Variants in NRCAM observed in about 807,000 individuals in gnomAD.
NRCAM encodes the protein neuronal cell adhesion molecule, also known as NgCAM-related cell adhesion molecule.
NRCAM carries 83 observed loss-of-function variants against 156.5 expected under a neutral mutation model. The ratio of observed to expected loss-of-function variants is 0.53; its 90% CI spans 0.44 to 0.64. The LOEUF is 0.64. Ranked by LOEUF, NRCAM falls within the 30% of genes least tolerant of loss-of-function variation. The pLI is 0.00. For missense variants in NRCAM, 1,417 were observed against 1,597.3 expected (o/e 0.89, Z 1.92); for synonymous variants, 538 against 563.9 (o/e 0.95, Z 0.65).
chr7:108,245,022 GCCAGGCAC>G (rs1248523819), intron 3 of NRCAM, among the ~76,000 whole-genome samples: 5 of 152,136 alleles, frequency 3.3e-5, no homozygotes, highest in Non-Finnish European at 7.3e-5. Context: ...TTTTCTATGT[GCCAGGCAC>G]AGCGATGAGT....
chr7:108,269,244 G>C (rs1293465436), intron 3 of NRCAM, among the ~76,000 whole-genome samples: 2 of 151,820 alleles, frequency 1.3e-5, no homozygotes, highest in African/African-American at 4.8e-5. Context: ...TTTAAATAAA[G>C]ACAGGATCAG....
chr7:108,276,825 T>C (rs905843986), intron 3 of NRCAM, among the ~76,000 whole-genome samples: 5 of 152,256 alleles, frequency 3.3e-5, no homozygotes, highest in African/African-American at 9.6e-5. Flanking sequence ...AGTTTCTTCA[T>C]AGCGTTGATG....
intron 3 of NRCAM, among the ~76,000 whole-genome samples, chr7:108,257,663 GA>G: frequency 6.6e-6 from 1 of 152,220 alleles, no homozygotes; most frequent in South Asian, 2.1e-4. Flanking sequence ...TCATTTTCAT[GA>G]AAAAATTATT....
At chr7:108,187,547 C>G (rs1378958941) in intron 20 of NRCAM, among the ~76,000 whole-genome samples, 2 of 152,168 alleles carry the variant, frequency 1.3e-5, no homozygotes, top group East Asian at 3.9e-4. Flanking sequence ...ACATGTCTTT[C>G]TGCTGATTTG....
intron 5 of NRCAM, among the ~76,000 whole-genome samples, chr7:108,236,997 A>G: frequency 6.6e-6 from 1 of 152,194 alleles, no homozygotes; most frequent in East Asian, 1.9e-4. Context: ...CTGTCTGGAT[A>G]TACCTCCTTA....
chr7:108,329,307 G>C (rs2099102948), intron 2 of NRCAM, among the ~76,000 whole-genome samples: 2 of 152,078 alleles, frequency 1.3e-5, no homozygotes, highest in African/African-American at 4.8e-5. Flanking sequence ...AATACATTAG[G>C]ATTATATTTC....
chr7:108,356,627 C>T (rs2300028), intron 2 of NRCAM, among the ~76,000 whole-genome samples: 41,720 of 152,038 alleles, frequency 0.27, 6,382 homozygotes, highest in Middle Eastern at 0.37. Context: ...ATAATTATTA[C>T]AGCCTGCCGA....
intron 2 of NRCAM, among the ~76,000 whole-genome samples, chr7:108,314,658 T>C (rs1474290723): frequency 6.6e-6 from 1 of 152,184 alleles, no homozygotes; most frequent in African/African-American, 2.4e-5. Context: ...CTTAGCCACT[T>C]ATGGAAAAAT....
At chr7:108,317,905 T>C (rs888101823) in intron 2 of NRCAM, among the ~76,000 whole-genome samples, 4 of 115,848 alleles carry the variant, frequency 3.5e-5, no homozygotes, top group African/African-American at 9.6e-5. Context: ...GGAGACTCAG[T>C]CCCAGAAAAA....
intron 2 of NRCAM, among the ~76,000 whole-genome samples, chr7:108,365,166 T>C (rs904606577): frequency 3.3e-5 from 5 of 152,282 alleles, no homozygotes; most frequent in Middle Eastern, 3.4e-3. Context: ...GCATTTAATA[T>C]ACATTATTTT....
intron 1 of NRCAM, among the ~76,000 whole-genome samples, chr7:108,414,952 C>T (rs1799693173): frequency 6.6e-6 from 1 of 151,982 alleles, no homozygotes; most frequent in African/African-American, 2.4e-5. Flanking sequence ...AGGGTGAGTC[C>T]AGGGTTCATA....
chr7:108,300,333 A>C (rs2098574713), intron 3 of NRCAM, among the ~76,000 whole-genome samples: 1 of 151,754 alleles, frequency 6.6e-6, no homozygotes, highest in Non-Finnish European at 1.5e-5. Context: ...CATTGGGAAG[A>C]AGTTAAAATA....
At chr7:108,312,476 T>C (rs1192341262) in intron 3 of NRCAM, among the ~76,000 whole-genome samples, 189 bp downstream of exon 3, 1 of 152,200 alleles carries the variant, frequency 6.6e-6, no homozygotes, top group African/African-American at 2.4e-5. Flanking sequence ...CCTATGTATT[T>C]GATCTATCTT....
At chr7:108,290,796 T>C (rs143268865) in intron 3 of NRCAM, among the ~76,000 whole-genome samples, 1 of 152,338 alleles carries the variant, frequency 6.6e-6, no homozygotes, top group South Asian at 2.1e-4. Context: ...ACTATCATTA[T>C]CTATTCTTTC....
At chr7:108,263,224 G>A (rs1044439671) in intron 3 of NRCAM, among the ~76,000 whole-genome samples, 3 of 152,180 alleles carry the variant, frequency 2.0e-5, no homozygotes, top group African/African-American at 7.2e-5. Flanking sequence ...TATCTTATCT[G>A]CCTGCTTTAT....
Position 108,198,110 on chromosome 7 carries a change from G to A in NRCAM, c.1208-11C>T. 3 of 1,584,384 alleles carry A rather than the reference G, an allele frequency of 1.9e-6. No homozygotes were observed. Among genetic ancestry groups the A allele is most frequent in the Non-Finnish European group, 1.7e-6 (2 of 1,169,908 alleles). On this transcript the variant is annotated splice_polypyrimidine_tract_variant and intron_variant, in intron 13 of 32. Coordinates refer to ENST00000379028, the MANE Select transcript of NRCAM (RefSeq NM_001037132.4). ...GGTCATCAGGGGCAACTGTTTGGAT[G>A]TAAAAATAGAAAGTATTTATTCCTA...
chr7:108,191,598 G>T, intron 18 of NRCAM, 131 bp downstream of exon 18: 1 of 1,131,738 alleles, frequency 8.8e-7, no homozygotes, highest in Non-Finnish European at 1.2e-6. Context: ...TTTCAAAGAA[G>T]AAAAACATGG....
At chr7:108,254,293 G>A (rs1324084587) in intron 3 of NRCAM, among the ~76,000 whole-genome samples, 1 of 152,130 alleles carries the variant, frequency 6.6e-6, no homozygotes, top group Non-Finnish European at 1.5e-5. Context: ...TAAAAAGATG[G>A]ACAAAAATTT....
intron 3 of NRCAM, among the ~76,000 whole-genome samples, chr7:108,278,229 CG>C (rs2097715823): frequency 6.6e-6 from 1 of 152,212 alleles, no homozygotes; most frequent in East Asian, 1.9e-4. Context: ...TGTCCATTAT[CG>C]GATCTCAAAT....
Sources: gnomAD v4.1 joint callset for allele counts (sites outside exome capture counted in the v4.1 genomes callset) on GRCh38, gnomAD v4.1.1 for gene constraint, MANE v1.5 for transcripts, NCBI Gene and HGNC (gene_info 2026-07-23, HGNC 2026-07-21) for gene names.